Variants in ASTN2 observed in about 807,000 individuals in gnomAD.
ASTN2 encodes the protein astrotactin-2.
In ASTN2, 54 loss-of-function variants were observed where a neutral mutation model predicts 139.8. The ratio of observed to expected loss-of-function variants is 0.39; its 90% confidence interval spans 0.31 to 0.48. The LOEUF (loss-of-function observed/expected upper bound fraction) is 0.48, where lower values mean the gene tolerates loss of function less well. Ranked by LOEUF, ASTN2 falls within the 20% of genes least tolerant of loss-of-function variation. ASTN2 has a pLI of 0.95. For missense variants in ASTN2, 1,565 were observed against 1,725.1 expected, an observed-to-expected ratio of 0.91 and a Z score of 1.64; for synonymous variants, 756 against 719.5, an observed-to-expected ratio of 1.05 and a Z score of -0.81.
Position 117,277,770 on chromosome 9 carries a change from T to C in ASTN2, c.630+13556A>G, listed in dbSNP as rs116463504. Among the ~76,000 whole-genome samples, 581 of 152,314 alleles carry C rather than the reference T, an allele frequency of 3.8e-3. 5 individuals carry two copies. The highest frequency in any genetic ancestry group is 0.013 in the African/African-American group (557 of 41,560). On this transcript the variant is annotated intron_variant, in intron 2 of 22. Transcript: ENST00000313400. ...TATATATTATCTATGGATTTTAGTC[T>C]CCTCCTAGGTGATCTGGGTAAACTA...
intron 1 of ASTN2, among the ~76,000 whole-genome samples, chr9:117,336,151 A>C (rs2130857315): frequency 6.6e-6 from 1 of 152,054 alleles, no homozygotes; most frequent in South Asian, 2.1e-4. Flanking sequence ...GGCCTCAGAC[A>C]GGAGGTGCTG....
At chr9:116,958,458 G>A (rs549141402) in intron 10 of ASTN2, among the ~76,000 whole-genome samples, 6 of 152,160 alleles carry the variant, frequency 3.9e-5, no homozygotes, top group East Asian at 3.9e-4. Flanking sequence ...GCGTGGCGGC[G>A]GGTGCCTGTA....
chr9:116,577,955 T>C (rs1277365331), intron 19 of ASTN2, among the ~76,000 whole-genome samples: 1 of 151,948 alleles, frequency 6.6e-6, no homozygotes, highest in African/African-American at 2.4e-5. Context: ...GGAGAGGAGA[T>C]CATTGGGGGA....
At chr9:117,382,696 A>G in intron 1 of ASTN2, among the ~76,000 whole-genome samples, 1 of 152,210 alleles carries the variant, frequency 6.6e-6, no homozygotes, top group Non-Finnish European at 1.5e-5. Context: ...TCTGAGCTCA[A>G]GCCCAGGCCC....
At chr9:117,251,107 G>A (rs1473247131) in intron 2 of ASTN2, among the ~76,000 whole-genome samples, 2 of 152,104 alleles carry the variant, frequency 1.3e-5, no homozygotes, top group South Asian at 2.1e-4. Flanking sequence ...CAGCATCCTC[G>A]CTTTGCAGAG....
At chr9:116,461,040 A>G (rs1276706196) in intron 20 of ASTN2, among the ~76,000 whole-genome samples, 1 of 151,990 alleles carries the variant, frequency 6.6e-6, no homozygotes, top group East Asian at 1.9e-4. Flanking sequence ...TGTTCCCAAT[A>G]ATGTGCACAT....
At chr9:116,649,154 C>A (rs1857763750) in intron 17 of ASTN2, among the ~76,000 whole-genome samples, 1 of 152,218 alleles carries the variant, frequency 6.6e-6, no homozygotes, top group Non-Finnish European at 1.5e-5. Context: ...CTCCTATGTT[C>A]ATCACTTCCT....
rs116274253 is a variant in ASTN2, at chr9:116,850,976, A to G, written c.2040+12607T>C. Among the ~76,000 whole-genome samples the G allele has an allele frequency of 6.1e-3, 926 of 152,202 alleles. 8 individuals are homozygous for G. Among genetic ancestry groups the G allele is most frequent in the African/African-American group, 0.021 (868 of 41,524 alleles). On this transcript the variant is annotated intron_variant, in intron 11 of 22. Transcript: ENST00000313400. The stretch of plus-strand genomic sequence containing the variant: ...TTCTAGCTCTGTAAATAGACTATGG[A>G]CTCTTTGCTAGTTAGGACACAGTAT...
Position 116,976,121 on chromosome 9 carries a change from T to A in ASTN2, c.1744A>T (p.Ile582Phe). 1 of 1,614,154 alleles carries A rather than the reference T, an allele frequency of 6.2e-7. No individual in the cohort carries two copies. The highest frequency in any genetic ancestry group is 8.5e-7 in the Non-Finnish European group (1 of 1,180,002). The change falls in exon 9 of 23, where the codon ATT becomes TTT. Residue 582 changes from isoleucine (I) to phenylalanine (F), a missense_variant. Ile to Phe is a conservative substitution (Grantham distance 21). Around this residue, in one of 4 missense-constraint regions of ASTN2, gnomAD observed 503 missense variants for 591.7 expected, o/e 0.85. Coordinates refer to ENST00000313400, the MANE Select transcript of ASTN2 (RefSeq NM_001365068.1). ...ACAAGAAAGCCAACTCACCTGAGAATCTTTTCAGGGGCTTGCTCCCCTGTC... is the reference window on the plus strand; with the variant it reads ...ACAAGAAAGCCAACTCACCTGAGAAACTTTTCAGGGGCTTGCTCCCCTGTC... ...LVTGEQAPEK[I>F]LRSTFSLGQG...
intron 2 of ASTN2, among the ~76,000 whole-genome samples, chr9:117,252,040 G>A (rs1270252074): frequency 2.0e-5 from 3 of 152,196 alleles, no homozygotes; most frequent in Non-Finnish European, 4.4e-5. Context: ...AACAACCTCT[G>A]ATAAAATTAT....
chr9:116,809,939 A>G (rs10983357), intron 12 of ASTN2, among the ~76,000 whole-genome samples: 32,999 of 152,096 alleles, frequency 0.22, 4,026 homozygotes, highest in Middle Eastern at 0.31. Context: ...CACTGCCAGA[A>G]TTAGTCTTTT....
chr9:117,320,357 C>T (rs1253443457), intron 1 of ASTN2, among the ~76,000 whole-genome samples: 1 of 152,144 alleles, frequency 6.6e-6, no homozygotes, highest in Admixed American at 6.5e-5. Context: ...TGACTTTATG[C>T]AATACTCAAG....
intron 16 of ASTN2, among the ~76,000 whole-genome samples, chr9:116,709,725 C>A (rs1297243351): frequency 6.6e-6 from 1 of 152,106 alleles, no homozygotes; most frequent in Non-Finnish European, 1.5e-5. Context: ...CAATAAAAGG[C>A]CTCATTAACA....
intron 1 of ASTN2, among the ~76,000 whole-genome samples, chr9:117,374,443 GAC>G (rs1459629962): frequency 7.4e-6 from 1 of 134,614 alleles, no homozygotes; most frequent in African/African-American, 2.9e-5. Flanking sequence ...GAATTACAAA[GAC>G]AATGGATGAA....
intron 11 of ASTN2, among the ~76,000 whole-genome samples, chr9:116,840,203 C>A (rs368244247): frequency 2.7e-5 from 4 of 147,882 alleles, no homozygotes; most frequent in African/African-American, 7.7e-5. Flanking sequence ...GTAAGGTCAC[C>A]GATCAACAGG....
chr9:117,032,068 T>TGTAAGA (rs1838262348), intron 6 of ASTN2, among the ~76,000 whole-genome samples: 1 of 152,264 alleles, frequency 6.6e-6, no homozygotes, highest in African/African-American at 2.4e-5. Flanking sequence ...ATGACACATA[T>TGTAAGA]GTAACAGTAA....
At chr9:116,564,526 T>G (rs1345220313) in intron 19 of ASTN2, among the ~76,000 whole-genome samples, 2 of 152,212 alleles carry the variant, frequency 1.3e-5, no homozygotes, top group Non-Finnish European at 2.9e-5. Flanking sequence ...CATCGTTACT[T>G]GCAGTATCAA....
At chr9:116,505,608 A>C (rs1032686697) in intron 19 of ASTN2, among the ~76,000 whole-genome samples, 3 of 152,204 alleles carry the variant, frequency 2.0e-5, no homozygotes, top group Non-Finnish European at 4.4e-5. Flanking sequence ...TATCTGACCC[A>C]GTGCTTCTCC....
intron 20 of ASTN2, among the ~76,000 whole-genome samples, chr9:116,481,934 T>C (rs1348703784): frequency 6.6e-6 from 1 of 152,118 alleles, no homozygotes; most frequent in Admixed American, 6.5e-5. Flanking sequence ...AGCTTGGGTA[T>C]GAATCTGAGC....
Sources: allele counts gnomAD v4.1 joint callset (sites outside exome capture counted in the v4.1 genomes callset), GRCh38; gene constraint gnomAD v4.1.1; regional missense constraint gnomAD v4.1.1; transcripts MANE v1.5; gene names NCBI Gene and HGNC (gene_info 2026-07-23, HGNC 2026-07-21).